The following SDK1 variants were observed in gnomAD, a reference collection of about 807,000 sequenced individuals.
The protein encoded by SDK1 is protein sidekick-1.
A neutral mutation model predicts 245.5 loss-of-function variants in SDK1; 157 were observed. The ratio of observed to expected loss-of-function variants is 0.64; its 90% CI spans 0.56 to 0.73. SDK1 has a LOEUF of 0.73. Among genes scored for constraint, SDK1 ranks in the 30% least tolerant of loss-of-function variants. The probability of loss-of-function intolerance (pLI) is 0.00; values close to 1 mark genes in which losing one functional copy is unlikely to be tolerated. For synonymous variants in SDK1, 1,647 were observed against 1,278.5 expected (o/e 1.29, Z -6.15); for missense variants, 3,583 against 3,002.3 (o/e 1.19, Z -4.52).
At chr7:4,025,640 A>G (rs997866692) in intron 17 of SDK1, among the ~76,000 whole-genome samples, 1 of 152,156 alleles carries the variant, frequency 6.6e-6, no homozygotes, top group Non-Finnish European at 1.5e-5. Flanking sequence ...TGTCTTTTTC[A>G]TATCTGTATC....
At chr7:4,067,996 G>T (rs1584007593) in intron 20 of SDK1, 60 bp downstream of exon 20, 5 of 1,281,354 alleles carry the variant, frequency 3.9e-6, no homozygotes, top group South Asian at 3.9e-5. Context: ...AAAAGAAGTG[G>T]CTGTCACTTC....
intron 1 of SDK1, among the ~76,000 whole-genome samples, chr7:3,513,519 G>C (rs1005140322): frequency 1.3e-5 from 2 of 152,114 alleles, no homozygotes; most frequent in African/African-American, 2.4e-5. Context: ...AATTAAGACT[G>C]ATGTGGCCAA....
At chr7:3,656,739 C>CTTTT (rs11368318) in intron 4 of SDK1, among the ~76,000 whole-genome samples, 1 of 125,516 alleles carries the variant, frequency 8.0e-6, no homozygotes, top group African/African-American at 3.0e-5. Flanking sequence ...TGGTGGAAAT[C>CTTTT]TTTTTTTTTT....
At chr7:4,211,656 C>T (rs1485891696) in intron 38 of SDK1, among the ~76,000 whole-genome samples, 1 of 152,158 alleles carries the variant, frequency 6.6e-6, no homozygotes, top group Non-Finnish European at 1.5e-5. Context: ...GTCTCCCAGG[C>T]TGAAGTGCAG....
In SDK1 at chr7:4,209,455, G is replaced by A. The variant is rs372053052; in HGVS notation, c.5402-570G>A. On this transcript the variant is annotated intron_variant, in intron 37 of 44. Transcript: ENST00000404826. The stretch of plus-strand genomic sequence containing the variant: ...CTGCCAGCAGGCTCCACATCACCCC[G>A]GCCACACACCTGACCTTCAGTAGCT... Among the ~76,000 whole-genome samples, 53 of 152,298 alleles carry A rather than the reference G, an allele frequency of 3.5e-4. No homozygotes were observed. In the East Asian group the frequency reaches 6.0e-3, roughly 17 times the overall value.
chr7:4,211,768 C>G (rs1784526411), intron 38 of SDK1, among the ~76,000 whole-genome samples: 1 of 152,190 alleles, frequency 6.6e-6, no homozygotes, highest in Non-Finnish European at 1.5e-5. Flanking sequence ...CACCACCACG[C>G]CCAGCTAACT....
chr7:3,507,658 A>G (rs1258655956), intron 1 of SDK1, among the ~76,000 whole-genome samples: 2 of 152,122 alleles, frequency 1.3e-5, no homozygotes, highest in African/African-American at 4.8e-5. Flanking sequence ...ACAAAGCCTG[A>G]CACATTCTAA....
chr7:3,885,695 CTTAA>C (rs1479635784), intron 5 of SDK1, among the ~76,000 whole-genome samples: 1 of 152,176 alleles, frequency 6.6e-6, no homozygotes, highest in Non-Finnish European at 1.5e-5. Flanking sequence ...TTAGATGTTG[CTTAA>C]TTGTTTAGTT....
intron 1 of SDK1, among the ~76,000 whole-genome samples, chr7:3,406,479 C>T (rs1017472327): frequency 6.6e-6 from 1 of 152,206 alleles, no homozygotes; most frequent in Non-Finnish European, 1.5e-5. Flanking sequence ...AACAGGCACT[C>T]TGGTCGGACA....
chr7:3,413,011 G>C (rs1292198692), intron 1 of SDK1, among the ~76,000 whole-genome samples: 2 of 152,184 alleles, frequency 1.3e-5, no homozygotes, highest in Admixed American at 6.5e-5. Context: ...ATTCCAGAGA[G>C]TGATAAATAC....
chr7:3,319,737 C>A (rs533909652), intron 1 of SDK1, among the ~76,000 whole-genome samples: 14 of 151,924 alleles, frequency 9.2e-5, no homozygotes, highest in African/African-American at 1.9e-4. Context: ...GCCATTCCAT[C>A]GTGAAAGAAA....
chr7:4,024,384 AG>A (rs1554310251), intron 17 of SDK1, among the ~76,000 whole-genome samples: 1 of 73,992 alleles, frequency 1.4e-5, no homozygotes, highest in South Asian at 3.9e-4. Context: ...AAGCCCTACA[AG>A]ACTTTCTAGA....
chr7:3,905,542 T>C (rs1778870078), intron 5 of SDK1, among the ~76,000 whole-genome samples: 1 of 152,230 alleles, frequency 6.6e-6, no homozygotes, highest in Admixed American at 6.5e-5. Context: ...ATCTTTGCTG[T>C]CTACAGTTTC....
At chr7:3,439,764 A>G (rs538731770) in intron 1 of SDK1, among the ~76,000 whole-genome samples, 1 of 152,236 alleles carries the variant, frequency 6.6e-6, no homozygotes, top group African/African-American at 2.4e-5. Flanking sequence ...ATCATGATTT[A>G]AAGCCACCAG....
chr7:3,431,294 G>C (rs1779837625), intron 1 of SDK1, among the ~76,000 whole-genome samples: 1 of 150,170 alleles, frequency 6.7e-6, no homozygotes, highest in East Asian at 2.0e-4. Context: ...AGATCATAAA[G>C]TGCCACCAAA....
At chr7:3,703,921 C>G (rs1325903883) in intron 4 of SDK1, among the ~76,000 whole-genome samples, 1 of 152,026 alleles carries the variant, frequency 6.6e-6, no homozygotes, top group South Asian at 2.1e-4. Context: ...CTTTTTATTT[C>G]AATAACTTTT....
intron 1 of SDK1, among the ~76,000 whole-genome samples, chr7:3,313,399 C>A (rs1027216313): frequency 3.9e-5 from 6 of 152,032 alleles, no homozygotes; most frequent in African/African-American, 1.5e-4. Context: ...GAGCGAGACT[C>A]CATCTCAAAA....
chr7:3,994,927 CCAGAGGATCTG>C (rs1407919614), intron 14 of SDK1, among the ~76,000 whole-genome samples: 1 of 152,130 alleles, frequency 6.6e-6, no homozygotes. Context: ...CTGAAGCCTT[CCAGAGGATCTG>C]CAGAGAACCC....
At chr7:3,952,639 T>C (rs981527201) in intron 7 of SDK1, among the ~76,000 whole-genome samples, 1 of 152,042 alleles carries the variant, frequency 6.6e-6, no homozygotes, top group African/African-American at 2.4e-5. Context: ...TTAGCTGTTA[T>C]TTTTTGACCT....
Sources: allele counts gnomAD v4.1 joint callset (sites outside exome capture counted in the v4.1 genomes callset), GRCh38; gene constraint gnomAD v4.1.1; transcripts MANE v1.5; gene names NCBI Gene and HGNC (gene_info 2026-07-23, HGNC 2026-07-21).